CELF2: variants seen among roughly 807,000 people sequenced by gnomAD.
The protein encoded by CELF2 is CUG triplet repeat RNA-binding protein 2.
A neutral mutation model predicts 62.6 loss-of-function variants in CELF2; 8 were observed. The observed-to-expected ratio is 0.13, with a 90% CI of 0.07 to 0.23. The LOEUF (loss-of-function observed/expected upper bound fraction) is 0.23. Among genes scored for constraint, CELF2 ranks in the 10% least tolerant of loss-of-function variants. The probability of loss-of-function intolerance (pLI) is 1.00; values close to 1 mark genes in which losing one functional copy is unlikely to be tolerated. For missense variants in CELF2, 333 were observed against 671.0 expected (o/e 0.50, Z 5.56); for synonymous variants, 258 against 250.0 (o/e 1.03, Z -0.30).
At chr10:11,288,732 T>A (rs1337496598) in intron 9 of CELF2, among the ~76,000 whole-genome samples, 180 bp downstream of exon 9, 1 of 152,234 alleles carries the variant, frequency 6.6e-6, no homozygotes, top group Non-Finnish European at 1.5e-5. Flanking sequence ...TTCGAATTTG[T>A]CTTTTATTTT....
chr10:11,197,026 A>AGGAAGGAAGGAAGG (rs1554936340), intron 2 of CELF2, among the ~76,000 whole-genome samples: 18 of 1,620 alleles, frequency 0.011, 5 homozygotes, highest in African/African-American at 0.014. Flanking sequence ...GAAAGAAAGA[A>AGGAAGGAAGGAAGG]AAGAAAGAAA....
the CELF2 span, among the ~76,000 whole-genome samples, chr10:10,648,803 C>G: frequency 6.6e-6 from 1 of 152,286 alleles, no homozygotes; most frequent in South Asian, 2.1e-4. Flanking sequence ...ATGATTATCC[C>G]AAAATATTAG....
chr10:11,137,096 A>G (rs191439878), intron 1 of CELF2, among the ~76,000 whole-genome samples: 56 of 152,352 alleles, frequency 3.7e-4, no homozygotes, highest in Admixed American at 3.3e-3. Flanking sequence ...CTATGTATGT[A>G]TGCACATGCA....
chr10:10,905,177 T>C (rs2063235263), intron 1 of CELF2, among the ~76,000 whole-genome samples: 1 of 152,216 alleles, frequency 6.6e-6, no homozygotes, highest in African/African-American at 2.4e-5. Flanking sequence ...CTAAGCAAAA[T>C]GATTAAAACA....
chr10:10,512,346 A>G, the CELF2 span, among the ~76,000 whole-genome samples: 1 of 151,588 alleles, frequency 6.6e-6, no homozygotes, highest in African/African-American at 2.4e-5. Context: ...CTGCTGATGC[A>G]CATTAAACAC....
At chr10:10,924,157 C>T (rs2065200769) in intron 2 of CELF2, 1 of 151,496 alleles carries the variant, frequency 6.6e-6, no homozygotes, top group Admixed American at 6.6e-5. Flanking sequence ...TGGCGGGCGC[C>T]TGTAGTCCCA....
At chr10:11,275,669 T>A (rs558266581) in intron 8 of CELF2, among the ~76,000 whole-genome samples, 28 of 152,348 alleles carry the variant, frequency 1.8e-4, no homozygotes, top group African/African-American at 6.7e-4. Flanking sequence ...GAAGCTTTTA[T>A]GTGAAAGTGG....
At chr10:10,867,186 A>G (rs959348561) in intron 1 of CELF2, among the ~76,000 whole-genome samples, 1 of 152,114 alleles carries the variant, frequency 6.6e-6, no homozygotes, top group Admixed American at 6.5e-5. Context: ...ACCATGGCCA[A>G]TTTCAAGCTA....
chr10:10,962,367 C>T lies in CELF2; in HGVS notation c.89+42368C>T, dbSNP rs528810985. 7.5e-4 allele frequency among the ~76,000 whole-genome samples: 115 copies of T among 152,328 alleles called. 2 individuals carry two copies. Among genetic ancestry groups the T allele is most frequent in the Non-Finnish European group, 1.4e-3 (96 of 68,030 alleles). On this transcript the variant is annotated intron_variant, in intron 2 of 13. Transcript: ENST00000636488. The stretch of plus-strand genomic sequence containing the variant: ...GCCACTACTTGTTATAGGATAAGAC[C>T]AGAATTCTGCCCTAAGGGGCTTTTG...
chr10:11,043,985 A>G (rs2062333420), intron 1 of CELF2, among the ~76,000 whole-genome samples: 2 of 152,176 alleles, frequency 1.3e-5, no homozygotes, highest in Non-Finnish European at 2.9e-5. Flanking sequence ...CGCTGCCAGC[A>G]CACCCTCTTC....
chr10:11,202,738 G>A (rs1281196457), intron 2 of CELF2, among the ~76,000 whole-genome samples: 13 of 152,168 alleles, frequency 8.5e-5, no homozygotes, highest in Admixed American at 8.5e-4. Context: ...CTAACAGTGA[G>A]ACCCTTAGTG....
At chr10:10,975,340 A>G (rs759955389) in intron 2 of CELF2, among the ~76,000 whole-genome samples, 9 of 151,942 alleles carry the variant, frequency 5.9e-5, no homozygotes, top group Non-Finnish European at 1.0e-4. Context: ...CTGGTGTCAA[A>G]CTCCTGGGCT....
chr10:10,815,358 A>G (rs1169201000), intron 1 of CELF2, among the ~76,000 whole-genome samples: 1 of 151,350 alleles, frequency 6.6e-6, no homozygotes, highest in East Asian at 1.9e-4. Flanking sequence ...GGAAATGGTC[A>G]TTATTTATAT....
intron 1 of CELF2, among the ~76,000 whole-genome samples, chr10:11,142,576 C>T (rs774142179): frequency 6.7e-5 from 10 of 149,430 alleles, no homozygotes; most frequent in African/African-American, 9.9e-5. Context: ...CCCAGCTACT[C>T]GGGAGGCTGA....
At chr10:10,632,319 C>T in the CELF2 span, among the ~76,000 whole-genome samples, 2 of 152,146 alleles carry the variant, frequency 1.3e-5, no homozygotes, top group Admixed American at 6.5e-5. Flanking sequence ...CATACATAAT[C>T]ACTTGAGTCA....
chr10:10,615,366 G>A, the CELF2 span, among the ~76,000 whole-genome samples: 2 of 152,100 alleles, frequency 1.3e-5, no homozygotes, highest in South Asian at 2.1e-4. Context: ...ATGCATCCCC[G>A]CTGAGGTCCA....
chr10:10,775,628 AT>A, the CELF2 span, among the ~76,000 whole-genome samples: 19,131 of 135,200 alleles, frequency 0.14, 1,515 homozygotes, highest in East Asian at 0.3. Flanking sequence ...AAAAAAAAAT[AT>A]ATATATAGGG....
intron 1 of CELF2, among the ~76,000 whole-genome samples, chr10:11,069,328 C>T (rs750478895): frequency 1.5e-4 from 23 of 152,172 alleles, no homozygotes; most frequent in Admixed American, 2.6e-4. Flanking sequence ...AAGACAGAAG[C>T]TCTCTAGACT....
the CELF2 span, among the ~76,000 whole-genome samples, chr10:10,692,359 T>C: frequency 6.6e-6 from 1 of 151,502 alleles, no homozygotes; most frequent in African/African-American, 2.4e-5. Flanking sequence ...TTCTGTTCCA[T>C]TGATCTATAT....
Sources: allele counts gnomAD v4.1 joint callset (sites outside exome capture counted in the v4.1 genomes callset), GRCh38; gene constraint gnomAD v4.1.1; transcripts MANE v1.5; gene names NCBI Gene and HGNC (gene_info 2026-07-23, HGNC 2026-07-21).